PRKG2: variants seen among roughly 807,000 people sequenced by gnomAD.
The protein encoded by PRKG2 is protein kinase cGMP-dependent 2, also known as cGMP-dependent protein kinase 2.
PRKG2 carries 33 observed loss-of-function variants against 97.2 expected under a neutral mutation model. The observed-to-expected ratio is 0.34, with a 90% CI of 0.26 to 0.45. The LOEUF (loss-of-function observed/expected upper bound fraction) is 0.45. PRKG2 is among the 20% of genes least tolerant of loss of function. The probability of loss-of-function intolerance (pLI) is 1.00; values close to 1 mark genes in which losing one functional copy is unlikely to be tolerated. For synonymous variants in PRKG2, 330 were observed against 321.8 expected (o/e 1.03, Z -0.27); for missense variants, 638 against 900.0 (o/e 0.71, Z 3.73).
At chr4:81,101,515 A>T (rs1270736874) in intron 17 of PRKG2, among the ~76,000 whole-genome samples, 2 of 140,070 alleles carry the variant, frequency 1.4e-5, no homozygotes, top group Admixed American at 1.5e-4. Context: ...GAATTGAACA[A>T]TGAGAACACA....
At chr4:81,145,225 C>T (rs573110451) in intron 9 of PRKG2, among the ~76,000 whole-genome samples, 9 of 152,192 alleles carry the variant, frequency 5.9e-5, no homozygotes, top group Non-Finnish European at 8.8e-5. Flanking sequence ...GTCCCACCAA[C>T]GGTGTAAAAG....
chr4:81,204,855 T>C lies in PRKG2; in HGVS notation c.193A>G (p.Ile65Val). 5 of 1,614,212 alleles carry C rather than the reference T, an allele frequency of 3.1e-6. No individual in the cohort carries two copies. The highest frequency in any genetic ancestry group is 4.2e-6 in the Non-Finnish European group (5 of 1,180,044). The part of the protein sequence containing the change: ...REQLSKQTVA[I>V]AELTEELQNK... ...TGGAGCTCCTCTGTGAGTTCAGCAA[T>C]GGCCACAGTCTGCTTCGACAGCTGC... Residue 65 changes from isoleucine (I) to valine (V), a missense_variant, in exon 2 of 19, where the codon ATT becomes GTT. Physicochemically the swap from Ile to Val is conservative, Grantham distance 29 (BLOSUM62 3). Around this residue, in one of 3 missense-constraint regions of PRKG2, gnomAD observed 332 missense variants for 421.7 expected, o/e 0.79. Coordinates refer to ENST00000264399, the MANE Select transcript of PRKG2 (RefSeq NM_006259.3).
intron 9 of PRKG2, among the ~76,000 whole-genome samples, chr4:81,148,681 C>A (rs1247137229): frequency 6.6e-6 from 1 of 152,170 alleles, no homozygotes; most frequent in African/African-American, 2.4e-5. Context: ...ATTTAGCCTT[C>A]CAGCATCTGC....
chr4:81,202,939 T>C (rs960680884), intron 2 of PRKG2, among the ~76,000 whole-genome samples: 5 of 152,034 alleles, frequency 3.3e-5, no homozygotes. Flanking sequence ...AGGAGATGAA[T>C]TGCTACTAAA....
chr4:81,176,508 T>C (rs542259206), intron 2 of PRKG2, among the ~76,000 whole-genome samples: 1 of 152,310 alleles, frequency 6.6e-6, no homozygotes, highest in Non-Finnish European at 1.5e-5. Flanking sequence ...ATTCTCTTAG[T>C]ACAACTGGTA....
intron 14 of PRKG2, among the ~76,000 whole-genome samples, chr4:81,115,848 G>A (rs902941405): frequency 4.6e-5 from 7 of 152,038 alleles, no homozygotes; most frequent in Admixed American, 6.6e-5. Context: ...AAATTTTTAC[G>A]TTTCTCAATA....
intron 5 of PRKG2, among the ~76,000 whole-genome samples, chr4:81,168,315 C>T (rs1274551119): frequency 6.6e-6 from 1 of 151,974 alleles, no homozygotes; most frequent in Admixed American, 6.6e-5. Context: ...TCTTGTTAAC[C>T]ACTAAATCAA....
chr4:81,215,602 C>T (rs955325050), upstream of PRKG2, among the ~76,000 whole-genome samples: 17 of 152,048 alleles, frequency 1.1e-4, no homozygotes, highest in Admixed American at 9.8e-4. Flanking sequence ...TTCGCCTTCC[C>T]TCCCAGAGCT....
chr4:81,165,654 CTG>C (rs1749919230), intron 6 of PRKG2, among the ~76,000 whole-genome samples: 1 of 152,120 alleles, frequency 6.6e-6, no homozygotes, highest in Admixed American at 6.5e-5. Flanking sequence ...CCTTTATAAA[CTG>C]TGCTGCTGTC....
At chr4:81,161,397 A>T (rs1188115020) in intron 6 of PRKG2, among the ~76,000 whole-genome samples, 1 of 152,142 alleles carries the variant, frequency 6.6e-6, no homozygotes, top group Admixed American at 6.6e-5. Flanking sequence ...ACAACCAAAA[A>T]CTTGGTGGCT....
intron 2 of PRKG2, among the ~76,000 whole-genome samples, chr4:81,200,418 G>A (rs1002658344): frequency 1.1e-4 from 17 of 152,036 alleles, no homozygotes; most frequent in Non-Finnish European, 2.9e-5. Context: ...CGATGCAATG[G>A]GCCACCTCTG....
chr4:81,153,516 C>T, intron 7 of PRKG2, 128 bp downstream of exon 7: 1 of 674,178 alleles, frequency 1.5e-6, no homozygotes, highest in Non-Finnish European at 2.5e-6. Flanking sequence ...GCATGGGACT[C>T]TACTGGTAGA....
intron 1 of PRKG2, among the ~76,000 whole-genome samples, chr4:81,206,042 G>A (rs1753628837): frequency 6.6e-6 from 1 of 152,074 alleles, no homozygotes. Context: ...CTTCAGTGAA[G>A]ACTAAACTAG....
chr4:81,095,319 G>A (rs1742008869), intron 17 of PRKG2, among the ~76,000 whole-genome samples: 1 of 152,182 alleles, frequency 6.6e-6, no homozygotes, highest in African/African-American at 2.4e-5. Flanking sequence ...TGCCCTTGCT[G>A]TAAAACCACA....
chr4:81,202,039 T>A (rs1354605610), intron 2 of PRKG2, among the ~76,000 whole-genome samples: 1 of 152,214 alleles, frequency 6.6e-6, no homozygotes, highest in Non-Finnish European at 1.5e-5. Context: ...ACTGATGATC[T>A]TAAAATCTCT....
intron 12 of PRKG2, 109 bp from the exon 13 acceptor site, chr4:81,137,591 C>A: frequency 3.7e-6 from 3 of 805,746 alleles, no homozygotes; most frequent in Admixed American, 2.2e-5. Context: ...TACTCATCTC[C>A]ATATAAATAC....
intron 6 of PRKG2, among the ~76,000 whole-genome samples, chr4:81,154,798 G>T (rs972110431): frequency 6.6e-6 from 1 of 152,172 alleles, no homozygotes; most frequent in Non-Finnish European, 1.5e-5. Flanking sequence ...CGAGAAGAAG[G>T]CTTCAGACGA....
At chr4:81,204,136 C>G (rs1026248933) in intron 2 of PRKG2, among the ~76,000 whole-genome samples, 1 of 152,122 alleles carries the variant, frequency 6.6e-6, no homozygotes, top group Non-Finnish European at 1.5e-5. Flanking sequence ...CCACCATAAA[C>G]TGGAATGAAT....
At chr4:81,208,480 G>A (rs1753797682) in intron 1 of PRKG2, among the ~76,000 whole-genome samples, 1 of 152,138 alleles carries the variant, frequency 6.6e-6, no homozygotes, top group Non-Finnish European at 1.5e-5. Flanking sequence ...GAGATGCAGT[G>A]GCCAGTGGTG....
Sources: gnomAD v4.1 joint callset for allele counts (sites outside exome capture counted in the v4.1 genomes callset) on GRCh38, gnomAD v4.1.1 for gene constraint, gnomAD v4.1.1 regional missense constraint, MANE v1.5 for transcripts, NCBI Gene and HGNC (gene_info 2026-07-23, HGNC 2026-07-21) for gene names.